The following HECTD3 variants were observed in gnomAD, a reference collection of about 807,000 sequenced individuals.
The protein encoded by HECTD3 is E3 ubiquitin-protein ligase HECTD3.
HECTD3 carries 72 observed loss-of-function variants against 109.3 expected under a neutral mutation model. The ratio of observed to expected loss-of-function variants is 0.66; its 90% CI spans 0.54 to 0.80. HECTD3 has a LOEUF of 0.80. Among genes scored for constraint, HECTD3 ranks in the 30% least tolerant of loss-of-function variants. The pLI is 0.00. For missense variants in HECTD3, 1,041 were observed against 1,165.2 expected, an observed-to-expected ratio of 0.89 and a Z score of 1.55; for synonymous variants, 481 against 471.8, an observed-to-expected ratio of 1.02 and a Z score of -0.25.
Position 45,008,190 on chromosome 1 carries a change from G to A in HECTD3, c.1320+50C>T, listed in dbSNP as rs766184633. The A allele has an allele frequency of 9.2e-6, 13 of 1,415,798 alleles. No homozygotes were observed. In the East Asian group the frequency reaches 1.1e-4, roughly 12 times the overall value. The allele number at this position is 1,415,798 out of a possible 1,614,324, so 87.7% of individuals were successfully genotyped here. ...ACTCTGCTAAGGAATGAACAACTACGTGAGCAGGAAGGGGAAATGCCAAGA... is the reference window on the plus strand; with the variant it reads ...ACTCTGCTAAGGAATGAACAACTACATGAGCAGGAAGGGGAAATGCCAAGA... On this transcript the variant is annotated intron_variant, in intron 9 of 20. Coordinates refer to ENST00000372172, the MANE Select transcript of HECTD3 (RefSeq NM_024602.6).
In HECTD3 at chr1:45,006,282, C is replaced by A; in HGVS notation, c.1726-166G>T. On this transcript the variant is annotated intron_variant, in intron 13 of 20. Coordinates refer to ENST00000372172, the MANE Select transcript of HECTD3 (RefSeq NM_024602.6). The surrounding 1 kb of genome is among the most constrained non-coding windows in gnomAD (Gnocchi z 4.7). ...TCTGCCCAGAGGTTGCCCTGAGCAA[C>A]TCAGTCCCTCCTCTGCCCTATTTCT... 1 of 748,198 alleles carries A rather than the reference C, an allele frequency of 1.3e-6. No individual in the cohort carries two copies. Among genetic ancestry groups the A allele is most frequent in the Non-Finnish European group, 2.2e-6 (1 of 463,226 alleles). The allele number at this position is 748,198 out of a possible 1,614,324, so 46.3% of individuals were successfully genotyped here.
chr1:45,009,659 T>C lies in HECTD3; in HGVS notation c.784A>G (p.Thr262Ala). ...CAGTAGGTATCGGCATTGCTGTCTG[T>C]CAGGCAGGACACGTTGAACTCCTCC... ...YTEEFNVSCL[T>A]DSNADTYWES... The change falls in exon 5 of 21, where the codon ACA (threonine) becomes GCA (alanine). Residue 262 changes from threonine (T) to alanine (A), a missense_variant. By Grantham distance (58) the Thr-to-Ala change is moderately conservative. This residue lies in a region of HECTD3 where 472 missense variants were observed against 449.9 expected (regional missense o/e 1.05). Transcript: ENST00000372172. 1 of 1,614,006 alleles carries C rather than the reference T, an allele frequency of 6.2e-7. No individual in the cohort carries two copies. The highest frequency in any genetic ancestry group is 8.5e-7 in the Non-Finnish European group (1 of 1,179,928).
At chr1:45,008,489 C>T in intron 8 of HECTD3, 47 bp downstream of exon 8, 1 of 1,595,280 alleles carries the variant, frequency 6.3e-7, no homozygotes, top group South Asian at 1.1e-5. Context: ...ACACAAGGCT[C>T]AATGTTGGGG....
chr1:45,009,240 T>C lies in HECTD3; in HGVS notation c.990-14A>G, dbSNP rs1180959596. On this transcript the variant is annotated splice_polypyrimidine_tract_variant and intron_variant, in intron 6 of 20. Transcript: ENST00000372172. ...CCGATGAGGGTCCTGAGGAGATGAG[T>C]GTGAAGCACTTCAGATACCTCCTGC... is the stretch of plus-strand genomic sequence containing the variant. The C allele has an allele frequency of 6.2e-7, 1 of 1,605,578 alleles. No homozygotes were observed. The highest frequency in any genetic ancestry group is 1.3e-5 in the African/African-American group (1 of 74,720).
rs917479303 is a variant in HECTD3 at position 45,011,288 on chromosome 1, C to A, written c.-31G>T. Reference sequence around the variant, plus strand: ...AGTGGCGGAGGTGAGCACCTAGAGGCGACCCTGCCCGGGGAACAGCTGGCG... The same window carrying A: ...AGTGGCGGAGGTGAGCACCTAGAGGAGACCCTGCCCGGGGAACAGCTGGCG... On this transcript the variant is annotated 5_prime_UTR_variant, in exon 1 of 21. Coordinates refer to ENST00000372172, the MANE Select transcript of HECTD3 (RefSeq NM_024602.6). The A allele has an allele frequency of 2.2e-6, 3 of 1,350,004 alleles. No individual in the cohort carries two copies. The highest frequency in any genetic ancestry group is 1.8e-5 in the South Asian group (1 of 55,552). 83.6% of individuals were successfully genotyped at this position (1,350,004 alleles called of 1,614,324 possible). A position where few individuals can be genotyped will look rare whatever the true frequency, so the allele number is the denominator to read the frequency against.
Position 45,004,647 on chromosome 1 carries a change from A to G in HECTD3, c.2095T>C (p.Phe699Leu), listed in dbSNP as rs775366617. Reference sequence around the variant, plus strand: ...CGTGCCTTCTGGACCAGTTGGATGAAACGAGAACGGTCCCCATATCCCACG... The same window carrying G: ...CGTGCCTTCTGGACCAGTTGGATGAGACGAGAACGGTCCCCATATCCCACG... ...IVVGYGDRSR[F>L]IQLVQKARLE... Residue 699 changes from phenylalanine to leucine, a missense_variant, in exon 16 of 21, where the codon TTC (phenylalanine) becomes CTC (leucine). Coordinates refer to ENST00000372172, the MANE Select transcript of HECTD3 (RefSeq NM_024602.6). 2.7e-5 allele frequency: 44 copies of G among 1,614,154 alleles called. No individual in the cohort carries two copies. In the East Asian group the frequency reaches 4.9e-4, roughly 18 times the overall value.
chr1:45,007,542 C>G lies in HECTD3; in HGVS notation c.1374G>C (p.Gln458His), dbSNP rs1644747486. Residue 458 changes from glutamine to histidine, a missense_variant, in exon 10 of 21, where the codon CAG becomes CAC. Gln to His is a conservative substitution (Grantham distance 24). Around this residue, in one of 2 missense-constraint regions of HECTD3, gnomAD observed 569 missense variants for 715.3 expected, o/e 0.80. Transcript: ENST00000372172. ...LSRQRPGLVA[Q>H]CLRDSESSKP... is the part of the protein sequence containing the mutation. Reference sequence around the variant, plus strand: ...TGCTGCTCTCAGAGTCACGCAGGCACTGAGCCACCAGGCCTGGCCGCTGGC... The same window carrying G: ...TGCTGCTCTCAGAGTCACGCAGGCAGTGAGCCACCAGGCCTGGCCGCTGGC... The G allele has an allele frequency of 6.2e-7, 1 of 1,613,914 alleles. No individual in the cohort carries two copies. Among genetic ancestry groups the G allele is most frequent in the Non-Finnish European group, 8.5e-7 (1 of 1,180,020 alleles).
Position 45,010,744 on chromosome 1 carries a change from A to G in HECTD3, c.370-38T>C, listed in dbSNP as rs374345882. The G allele has an allele frequency of 1.0e-4, 156 of 1,524,246 alleles. No individual in the cohort carries two copies. In the African/African-American group the frequency reaches 1.9e-3, roughly 19 times the overall value. The allele number at this position is 1,524,246 out of a possible 1,614,324, so 94.4% of individuals were successfully genotyped here. A position where few individuals can be genotyped will look rare whatever the true frequency, so the allele number is the denominator to read the frequency against. On this transcript the variant is annotated intron_variant, in intron 1 of 20. Transcript: ENST00000372172. Reference sequence around the variant, plus strand: ...GTAGGATGGGGACAGCCGTCAGGGAACTGCCCAGCCGCCTGTCGTGCCCAG... The same window carrying G: ...GTAGGATGGGGACAGCCGTCAGGGAGCTGCCCAGCCGCCTGTCGTGCCCAG...
chr1:45,009,490 G>C lies in HECTD3; in HGVS notation c.876-8C>G, dbSNP rs200368875. The C allele has an allele frequency of 3.4e-4, 544 of 1,611,326 alleles. No individual in the cohort carries two copies. Among genetic ancestry groups the C allele is most frequent in the Non-Finnish European group, 4.2e-4 (490 of 1,177,506 alleles). ...ACTGTGAGTAGCAGCTTCCTGAAGG[G>C]TCAGAGTGTGAATATGAGTCTTTGT... On this transcript the variant is annotated splice_region_variant and splice_polypyrimidine_tract_variant and intron_variant, in intron 5 of 20. Coordinates refer to ENST00000372172, the MANE Select transcript of HECTD3 (RefSeq NM_024602.6).
Position 45,009,433 on chromosome 1 carries a change from G to C in HECTD3, c.925C>G (p.Arg309Gly), listed in dbSNP as rs1245637263. The change falls in exon 6 of 21, where the codon CGG (arginine) becomes GGG (glycine). Residue 309 changes from arginine to glycine, a missense_variant. Around this residue, in one of 2 missense-constraint regions of HECTD3, gnomAD observed 472 missense variants for 449.9 expected, o/e 1.05. Transcript: ENST00000372172. ...CCTTCACCCCCATAGACCACCACCC[G>C]CTTTGGCATAAAGTTGTCATCTGTG... is the stretch of plus-strand genomic sequence containing the variant. ...DTTDDNFMPK[R>G]VVVYGGEGDN... The C allele has an allele frequency of 6.2e-7, 1 of 1,614,112 alleles. No individual in the cohort carries two copies. The highest frequency in any genetic ancestry group is 8.5e-7 in the Non-Finnish European group (1 of 1,180,006).
At chr1:45,010,777 C>G (rs947346764) in intron 1 of HECTD3, 71 bp from the exon 2 acceptor site, 20 of 1,511,084 alleles carry the variant, frequency 1.3e-5, no homozygotes, top group Non-Finnish European at 1.8e-5. Flanking sequence ...CAGCCCAGGG[C>G]AAAGGGCGCC....
rs776024517 is a variant in HECTD3, at chr1:45,006,148, T to C, written c.1726-32A>G. 1.3e-6 allele frequency: 2 copies of C among 1,584,938 alleles called. No homozygotes were observed. The highest frequency in any genetic ancestry group is 1.7e-6 in the Non-Finnish European group (2 of 1,155,334). Reference sequence around the variant, plus strand: ...CAGAGACAGAGCTGTGAGTGTGGCATGAGATACACCCTATTTTCCTGGCCC... The same window carrying C: ...CAGAGACAGAGCTGTGAGTGTGGCACGAGATACACCCTATTTTCCTGGCCC... On this transcript the variant is annotated intron_variant, in intron 13 of 20. Coordinates refer to ENST00000372172, the MANE Select transcript of HECTD3 (RefSeq NM_024602.6). This position sits in a 1 kb window ranked among gnomAD's most constrained non-coding sequence, Gnocchi z 4.7.
chr1:45,006,557 T>C lies in HECTD3; in HGVS notation c.1725+135A>G, dbSNP rs1644737341. 1 of 702,256 alleles carries C rather than the reference T, an allele frequency of 1.4e-6. No individual in the cohort carries two copies. The highest frequency in any genetic ancestry group is 2.4e-6 in the Non-Finnish European group (1 of 422,710). 43.5% of individuals were successfully genotyped at this position (702,256 alleles called of 1,614,324 possible). ...GACCTCGTGATCTGCCCGCCTCGGC[T>C]TCCCAAAGTGCTGGGATTACAGGCG... On this transcript the variant is annotated intron_variant, in intron 13 of 20. Coordinates refer to ENST00000372172, the MANE Select transcript of HECTD3 (RefSeq NM_024602.6). This position sits in a 1 kb window ranked among gnomAD's most constrained non-coding sequence, Gnocchi z 4.7.
chr1:45,009,832 G>T, intron 4 of HECTD3, 149 bp from the exon 5 acceptor site: 1 of 1,089,016 alleles, frequency 9.2e-7, no homozygotes. Flanking sequence ...GGTATGTAAG[G>T]GGTCCTATAG....
chr1:45,003,488 C>T lies in HECTD3; in HGVS notation c.*4G>A, dbSNP rs767740586. ...CTTGCTGGTCCCACAGCCGGCGGCA[C>T]GCCTCACTCCTCCCAAGGGCTCATG... On this transcript the variant is annotated 3_prime_UTR_variant, in exon 21 of 21. Transcript: ENST00000372172. The surrounding 1 kb of genome is among the most constrained non-coding windows in gnomAD (Gnocchi z 4.7). 9 of 1,613,580 alleles carry T rather than the reference C, an allele frequency of 5.6e-6. No homozygotes were observed. The highest frequency in any genetic ancestry group is 2.2e-5 in the South Asian group (2 of 91,074).
At position 45,009,351 on chromosome 1, in the gene HECTD3, C is replaced by T; in HGVS notation, c.989+18G>A. The T allele has an allele frequency of 6.3e-7, 1 of 1,595,214 alleles. No homozygotes were observed. The highest frequency in any genetic ancestry group is 1.1e-5 in the South Asian group (1 of 90,446). On this transcript the variant is annotated intron_variant, in intron 6 of 20. Coordinates refer to ENST00000372172, the MANE Select transcript of HECTD3 (RefSeq NM_024602.6). The stretch of plus-strand genomic sequence containing the variant: ...CTTGGAACATGCCCTACTTCCCTCC[C>T]CAGGCCAGCGTGCTCACTCGTCAAT...
Position 45,003,193 on chromosome 1 carries a change from C to T in HECTD3, c.*299G>A. On this transcript the variant is annotated 3_prime_UTR_variant, in exon 21 of 21. Transcript: ENST00000372172. This position sits in a 1 kb window ranked among gnomAD's most constrained non-coding sequence, Gnocchi z 4.7. The stretch of plus-strand genomic sequence containing the variant: ...TCCATGGGTTGGGGACCTAGATGGC[C>T]CCCTTCAAGTAGCTCAGGCCTGGCA... The T allele has an allele frequency of 4.9e-6, 2 of 404,720 alleles. No homozygotes were observed. The highest frequency in any genetic ancestry group is 9.2e-6 in the Non-Finnish European group (2 of 218,534). The allele number at this position is 404,720 out of a possible 1,614,324, so 25.1% of individuals were successfully genotyped here.
intron 15 of HECTD3, chr1:45,005,515 G>A (rs923798431): frequency 6.0e-6 from 2 of 335,834 alleles, no homozygotes; most frequent in Admixed American, 8.7e-5. Context: ...GAGGGGAGTA[G>A]TCTTCGGAGA....
At position 45,007,448 on chromosome 1, in the gene HECTD3, G is replaced by A. The variant is rs1377066134; in HGVS notation, c.1468C>T (p.Arg490Ter). Residue 490 changes from arginine to a stop codon, truncating the protein, a stop_gained, in exon 10 of 21, where the codon CGA becomes TGA. Coordinates refer to ENST00000372172, the MANE Select transcript of HECTD3 (RefSeq NM_024602.6). LOFTEE classifies it high-confidence loss of function. ...LAMEHRACPS[R>*]DPACKNAVFT... ...ACTGCATTCTTGCAGGCAGGGTCTCGAGAGGGGCAGGCACGGTGTTCCATG... is the reference window on the plus strand; with the variant it reads ...ACTGCATTCTTGCAGGCAGGGTCTCAAGAGGGGCAGGCACGGTGTTCCATG... The A allele has an allele frequency of 5.6e-6, 9 of 1,614,152 alleles. No homozygotes were observed. The highest frequency in any genetic ancestry group is 1.3e-5 in the African/African-American group (1 of 75,042).
Sources: gnomAD v4.1 joint callset for allele counts on GRCh38, gnomAD v4.1.1 for gene constraint, gnomAD v4.1.1 regional missense constraint, Gnocchi (gnomAD v3.1) non-coding constraint, MANE v1.5 for transcripts, NCBI Gene and HGNC (gene_info 2026-07-23, HGNC 2026-07-21) for gene names.